Variants in BSG observed in about 807,000 individuals in gnomAD.
BSG encodes the protein basigin.
A neutral mutation model predicts 43.1 loss-of-function variants in BSG; 37 were observed. That is an observed-to-expected ratio of 0.86 (90% CI 0.66 to 1.13). The LOEUF (loss-of-function observed/expected upper bound fraction) is 1.13, where lower values mean the gene tolerates loss of function less well. Among genes scored for constraint, BSG ranks in the 50% most tolerant of loss-of-function variants. The pLI is 0.00. For missense variants in BSG, 599 were observed against 554.2 expected (o/e 1.08, Z -0.81); for synonymous variants, 309 against 238.7 (o/e 1.29, Z -2.72).
intron 1 of BSG, 82 bp from the exon 2 acceptor site, chr19:577,692 C>A: frequency 8.4e-7 from 1 of 1,189,996 alleles, no homozygotes; most frequent in Non-Finnish European, 1.1e-6. Flanking sequence ...GGCTGGGAGT[C>A]CTGTGGGCGA....
chr19:580,381 T>G lies in BSG; in HGVS notation c.575T>G (p.Val192Gly), dbSNP rs1600494562. ...ALPGQKTEFK[V>G]DSDDQWGEYS... The stretch of plus-strand genomic sequence containing the variant: ...TCACCTGCCTGCTGTGGTTGCAGGG[T>G]GGACTCCGACGACCAGTGGGGAGAG... The change falls in exon 4 of 9, where the codon GTG becomes GGG. Residue 192 changes from valine to glycine, a missense_variant and splice_region_variant. Val to Gly is a moderately radical substitution (Grantham distance 109). Transcript: ENST00000333511. 1 of 1,610,614 alleles carries G rather than the reference T, an allele frequency of 6.2e-7. No individual in the cohort carries two copies. The highest frequency in any genetic ancestry group is 8.5e-7 in the Non-Finnish European group (1 of 1,179,796).
At position 576,511 on chromosome 19, in the gene BSG, C is replaced by T. The variant is rs1242304208; in HGVS notation, c.68-1263C>T. Reference sequence around the variant, plus strand: ...GCGCGGTGGCTCACGCCTGTAATCCCAGCACTTTGGGAGGCCCAAGAGGGT... The same window carrying T: ...GCGCGGTGGCTCACGCCTGTAATCCTAGCACTTTGGGAGGCCCAAGAGGGT... On this transcript the variant is annotated intron_variant, in intron 1 of 8. Transcript: ENST00000333511. Among the ~76,000 whole-genome samples, 7 of 152,216 alleles carry T rather than the reference C, an allele frequency of 4.6e-5. No homozygotes were observed. In the East Asian group the frequency reaches 1.3e-3, roughly 29 times the overall value.
intron 3 of BSG, chr19:580,104 G>C: frequency 2.1e-6 from 1 of 472,180 alleles, no homozygotes; most frequent in South Asian, 2.7e-5. Flanking sequence ...CTGGGAAGAC[G>C]GTCACAGGGT....
At chr19:580,955 A>C (rs1270486767) in intron 5 of BSG, among the ~76,000 whole-genome samples, 173 bp downstream of exon 5, 1 of 135,524 alleles carries the variant, frequency 7.4e-6, no homozygotes, top group Non-Finnish European at 1.6e-5. Flanking sequence ...TCCCGGACCC[A>C]GCCCTCCGGA....
At position 582,764 on chromosome 19, in the gene BSG, C is replaced by T; in HGVS notation, c.*20C>T. On this transcript the variant is annotated 3_prime_UTR_variant, in exon 9 of 9. Transcript: ENST00000333511. ...CCTGTCCACAGGTGGCCCGAGGACG[C>T]TCCCTGCTCCACGTCTGCGCCGCCG... The T allele has an allele frequency of 1.6e-6, 1 of 644,250 alleles. No individual in the cohort carries two copies. The highest frequency in any genetic ancestry group is 2.7e-6 in the Non-Finnish European group (1 of 372,008). 39.9% of individuals were successfully genotyped at this position (644,250 alleles called of 1,614,324 possible). A position where few individuals can be genotyped will look rare whatever the true frequency, so the allele number is the denominator to read the frequency against.
At chr19:572,487 G>A (rs1981331542), upstream of BSG, 3 of 1,184,592 alleles carry the variant, frequency 2.5e-6, no homozygotes, top group Non-Finnish European at 2.1e-6. Context: ...TGCGCAGGCG[G>A]GGCGACCGGC....
chr19:576,645 C>T (rs745726976), intron 1 of BSG, among the ~76,000 whole-genome samples: 51 of 152,152 alleles, frequency 3.4e-4, no homozygotes, highest in Admixed American at 2.6e-3. Context: ...CCTGTAATCC[C>T]AGCTACTTGG....
At position 580,367 on chromosome 19, in the gene BSG, C is replaced by T. The variant is rs1292966167; in HGVS notation, c.573-12C>T. ...AGCTGGTACGCGGCTCACCTGCCTG[C>T]TGTGGTTGCAGGGTGGACTCCGACG... On this transcript the variant is annotated splice_polypyrimidine_tract_variant and intron_variant, in intron 3 of 8. Coordinates refer to ENST00000333511, the MANE Select transcript of BSG (RefSeq NM_001728.4). 1.2e-6 allele frequency: 2 copies of T among 1,609,730 alleles called. No homozygotes were observed. Among genetic ancestry groups the T allele is most frequent in the Admixed American group, 1.7e-5 (1 of 59,990 alleles).
intron 1 of BSG, among the ~76,000 whole-genome samples, chr19:575,865 C>T (rs371980559): frequency 4.0e-5 from 6 of 151,350 alleles, no homozygotes; most frequent in African/African-American, 1.5e-4. Context: ...GTGCGGCGGG[C>T]GAGATGGGGT....
chr19:571,502 C>A (rs757019975), upstream of BSG: 1 of 778,784 alleles, frequency 1.3e-6, no homozygotes, highest in East Asian at 2.4e-5. Flanking sequence ...TGGGTTTACG[C>A]GTCACCTCGG....
upstream of BSG, chr19:571,811 TCTAAG>T (rs1981262890): frequency 1.8e-6 from 1 of 567,356 alleles, no homozygotes; most frequent in Non-Finnish European, 3.1e-6. Flanking sequence ...ACGCCCACAA[TCTAAG>T]CTGATCCCGG....
rs770390658 is a variant in BSG at position 577,994 on chromosome 19, C to G, written c.288C>G (p.Asp96Glu). ...ACGCGGCCAGCACCATCTCCATCGA[C>G]ACGCTCGTGGAGGAGGACACGGGCA... Reference protein sequence around the residue: ...HQHAASTISIDTLVEEDTGTY... With the variant: ...HQHAASTISIETLVEEDTGTY... The change falls in exon 2 of 9, where the codon GAC becomes GAG. Residue 96 changes from aspartate to glutamate, a missense_variant. Transcript: ENST00000333511. 3.0e-5 allele frequency: 49 copies of G among 1,612,122 alleles called. No homozygotes were observed. Among genetic ancestry groups the G allele is most frequent in the Non-Finnish European group, 4.0e-5 (47 of 1,179,720 alleles).
intron 1 of BSG, among the ~76,000 whole-genome samples, chr19:574,282 G>A (rs1160938792): frequency 3.3e-5 from 5 of 150,870 alleles, no homozygotes. Flanking sequence ...GGTCGGGCAT[G>A]GTGGCTCACG....
chr19:581,439 C>A lies in BSG; in HGVS notation c.917C>A (p.Ser306Tyr). 2 of 1,612,430 alleles carry A rather than the reference C, an allele frequency of 1.2e-6. No homozygotes were observed. The highest frequency in any genetic ancestry group is 2.2e-5 in the South Asian group (2 of 91,052). ...PGQYRCNGTS[S>Y]KGSDQAIITL... ...CAGTACCGGTGCAACGGCACCAGCT[C>A]CAAGGGCTCCGACCAGGCCATCATC... The change falls in exon 6 of 9, where the codon TCC becomes TAC. Residue 306 changes from serine (S) to tyrosine (Y), a missense_variant. Physicochemically the swap from Ser to Tyr is moderately radical, Grantham distance 144. Transcript: ENST00000333511.
chr19:581,603 GC>G lies in BSG; in HGVS notation c.1069+15del. 6.4e-7 allele frequency: 1 copy of G among 1,573,694 alleles called. No individual in the cohort carries two copies. Among genetic ancestry groups the G allele is most frequent in the Non-Finnish European group, 8.6e-7 (1 of 1,162,706 alleles). ...GGACGTCCTGGATGGTGAGCCGTCT[GC>G]CCTCCTGCCCACATGCCCTGCTCTC... On this transcript the variant is annotated intron_variant, in intron 6 of 8. Transcript: ENST00000333511.
At chr19:582,005 C>T (rs957304161) in intron 6 of BSG, among the ~76,000 whole-genome samples, 5 of 152,228 alleles carry the variant, frequency 3.3e-5, no homozygotes, top group Non-Finnish European at 7.3e-5. Flanking sequence ...TGTGCCGGGG[C>T]GAGGCCTGTG....
chr19:577,844 C>T lies in BSG; in HGVS notation c.138C>T (p.Ala46=), dbSNP rs551261955. Residue 46 remains alanine (A), a synonymous_variant, in exon 2 of 9, where the codon GCC becomes GCT. Transcript: ENST00000333511. ...VGGSVELHCE[A]VGSPVPEIQW... Reference sequence around the variant, plus strand: ...GCAGTGTGGAGCTGCACTGCGAGGCCGTGGGCAGCCCGGTGCCCGAGATCC... The same window carrying T: ...GCAGTGTGGAGCTGCACTGCGAGGCTGTGGGCAGCCCGGTGCCCGAGATCC... 6.0e-5 allele frequency: 92 copies of T among 1,526,090 alleles called. No individual in the cohort carries two copies. Among genetic ancestry groups the T allele is most frequent in the Non-Finnish European group, 7.3e-5 (82 of 1,129,508 alleles). 94.5% of individuals were successfully genotyped at this position (1,526,090 alleles called of 1,614,324 possible).
intron 7 of BSG, 75 bp from the exon 8 acceptor site, chr19:582,439 G>A: frequency 1.3e-6 from 2 of 1,597,100 alleles, no homozygotes; most frequent in Non-Finnish European, 1.7e-6. Context: ...GGTCCTGGGG[G>A]CCGGGGTGGG....
In BSG at chr19:583,419, A is replaced by G. The variant is rs760175332; in HGVS notation, c.*675A>G. ...ACCCCTGGAGGACGGCCGGCTCTCT[A>G]TAGCACCAGGGCTCACGTGGGAACC... On this transcript the variant is annotated 3_prime_UTR_variant, in exon 9 of 9. Transcript: ENST00000333511. The G allele has an allele frequency of 1.3e-5, 2 of 152,286 alleles. No individual in the cohort carries two copies. The highest frequency in any genetic ancestry group is 1.9e-4 in the East Asian group (1 of 5,202). The allele number at this position is 152,286 out of a possible 1,614,324, so 9.4% of individuals were successfully genotyped here.
Sources: allele counts gnomAD v4.1 joint callset (sites outside exome capture counted in the v4.1 genomes callset), GRCh38; gene constraint gnomAD v4.1.1; transcripts MANE v1.5; gene names NCBI Gene and HGNC (gene_info 2026-07-23, HGNC 2026-07-21).